CDH12: variants seen among roughly 807,000 people sequenced by gnomAD.
CDH12 encodes the protein cadherin-12.
In CDH12, 41 loss-of-function variants were observed where a neutral mutation model predicts 74.1. The observed-to-expected ratio is 0.55, with a 90% CI of 0.43 to 0.72. The LOEUF (loss-of-function observed/expected upper bound fraction) is 0.72, where lower values mean the gene tolerates loss of function less well. Among genes scored for constraint, CDH12 ranks in the 30% least tolerant of loss-of-function variants. CDH12 has a pLI of 0.00. For missense variants in CDH12, 945 were observed against 977.2 expected (o/e 0.97, Z 0.44); for synonymous variants, 399 against 355.0 (o/e 1.12, Z -1.39).
chr5:21,761,505 T>A (rs550664875), intron 12 of CDH12, among the ~76,000 whole-genome samples: 1 of 152,244 alleles, frequency 6.6e-6, no homozygotes, highest in Non-Finnish European at 1.5e-5. Flanking sequence ...GTTGGCCAGA[T>A]AATCATGCTC....
chr5:22,847,957 C>T (rs1037906350), intron 1 of CDH12, among the ~76,000 whole-genome samples: 3 of 151,876 alleles, frequency 2.0e-5, no homozygotes, highest in African/African-American at 7.3e-5. Flanking sequence ...GATCTCGGCT[C>T]ACTGCAACCT....
At chr5:21,798,639 A>G (rs1746932602) in intron 10 of CDH12, among the ~76,000 whole-genome samples, 1 of 151,864 alleles carries the variant, frequency 6.6e-6, no homozygotes, top group Non-Finnish European at 1.5e-5. Flanking sequence ...CCTCATAAAT[A>G]GGATTAGTGC....
intron 4 of CDH12, among the ~76,000 whole-genome samples, chr5:22,090,477 C>T (rs1399304729): frequency 1.4e-5 from 2 of 146,810 alleles, no homozygotes; most frequent in African/African-American, 5.2e-5. Flanking sequence ...AATATAAAAC[C>T]TCTGTAAACT....
chr5:22,414,650 C>G (rs2126480484), intron 2 of CDH12, among the ~76,000 whole-genome samples: 1 of 151,594 alleles, frequency 6.6e-6, no homozygotes, highest in South Asian at 2.1e-4. Context: ...AAAATGAAAA[C>G]CTTTGCTATG....
chr5:22,127,812 ACT>A (rs1229108765), intron 4 of CDH12, among the ~76,000 whole-genome samples: 1 of 152,036 alleles, frequency 6.6e-6, no homozygotes, highest in Non-Finnish European at 1.5e-5. Flanking sequence ...GTAGTACTGG[ACT>A]CTCTGGAAGC....
At chr5:22,660,460 T>C (rs1465641334) in intron 1 of CDH12, among the ~76,000 whole-genome samples, 1 of 152,214 alleles carries the variant, frequency 6.6e-6, no homozygotes. Context: ...GTGTTGAAAA[T>C]TATACATATT....
At chr5:22,763,189 A>C (rs889909146) in intron 1 of CDH12, among the ~76,000 whole-genome samples, 1 of 151,970 alleles carries the variant, frequency 6.6e-6, no homozygotes, top group African/African-American at 2.4e-5. Flanking sequence ...AAGGAATAAA[A>C]GTCTGAGAAC....
chr5:22,198,324 T>C (rs1366862751), intron 4 of CDH12, among the ~76,000 whole-genome samples: 11 of 151,718 alleles, frequency 7.3e-5, no homozygotes, highest in Middle Eastern at 6.4e-3. Flanking sequence ...ACTAATAATG[T>C]TAAAAAAATG....
chr5:22,147,542 T>C (rs1747272506), intron 4 of CDH12, among the ~76,000 whole-genome samples: 1 of 151,856 alleles, frequency 6.6e-6, no homozygotes, highest in Admixed American at 6.6e-5. Flanking sequence ...TATTAGTCCA[T>C]TTTCATGCTG....
At chr5:21,954,274 G>A (rs192120908) in intron 6 of CDH12, among the ~76,000 whole-genome samples, 54 of 150,648 alleles carry the variant, frequency 3.6e-4, no homozygotes, top group African/African-American at 1.3e-3. Context: ...GATTATTGGT[G>A]CTCCTCCTCC....
intron 6 of CDH12, chr5:21,884,340 A>T: frequency 9.9e-7 from 1 of 1,013,648 alleles, no homozygotes; most frequent in Non-Finnish European, 1.6e-6. Context: ...TACCTTTATT[A>T]ATGAACTGTG....
rs1245306601 is a variant in CDH12 at position 22,446,054 on chromosome 5, A to G, written c.-427-40703T>C. ...ACTCACTCACTCTTAGTTTTGAGAA[A>G]TGCTGGACAAACAGGCAACCCCATT... On this transcript the variant is annotated intron_variant, in intron 2 of 14. Transcript: ENST00000382254. 2.0e-5 allele frequency among the ~76,000 whole-genome samples: 3 copies of G among 152,250 alleles called. No homozygotes were observed. In the East Asian group the frequency reaches 5.8e-4, roughly 29 times the overall value.
At chr5:22,288,414 T>C (rs1372397505) in intron 3 of CDH12, among the ~76,000 whole-genome samples, 3 of 152,314 alleles carry the variant, frequency 2.0e-5, no homozygotes, top group Non-Finnish European at 4.4e-5. Flanking sequence ...CTTCAAAACA[T>C]TGTCATCATA....
chr5:22,626,831 A>G (rs764586467), intron 1 of CDH12, among the ~76,000 whole-genome samples: 4 of 152,218 alleles, frequency 2.6e-5, no homozygotes, highest in African/African-American at 9.6e-5. Flanking sequence ...TTGAAGCCCA[A>G]TTTAAAGAAT....
rs116519195 is a variant in CDH12 at position 22,777,938 on chromosome 5, C to T, written c.-523+75120G>A. Reference sequence around the variant, plus strand: ...AAGCAATTCTCCTCCCCCAGCTTCCCGAGTAGTTGGGAGTGTGCCACCACT... The same window carrying T: ...AAGCAATTCTCCTCCCCCAGCTTCCTGAGTAGTTGGGAGTGTGCCACCACT... On this transcript the variant is annotated intron_variant, in intron 1 of 14. Transcript: ENST00000382254. Among the ~76,000 whole-genome samples the T allele has an allele frequency of 9.1e-3, 1,381 of 151,974 alleles. 16 individuals are homozygous for T. Among genetic ancestry groups the T allele is most frequent in the African/African-American group, 0.032 (1,330 of 41,466 alleles).
intron 7 of CDH12, among the ~76,000 whole-genome samples, chr5:21,847,423 G>T (rs1750232179): frequency 6.6e-6 from 1 of 152,106 alleles, no homozygotes; most frequent in East Asian, 1.9e-4. Context: ...TTACAATTCT[G>T]GATGTAAGGA....
chr5:22,422,478 A>AT (rs1393540415), intron 2 of CDH12, among the ~76,000 whole-genome samples: 2 of 151,924 alleles, frequency 1.3e-5, no homozygotes, highest in Admixed American at 1.3e-4. Flanking sequence ...GTTTGCCAGT[A>AT]TTTTTTTGAA....
At chr5:21,998,185 A>G (rs969913955) in intron 5 of CDH12, among the ~76,000 whole-genome samples, 1 of 151,998 alleles carries the variant, frequency 6.6e-6, no homozygotes, top group African/African-American at 2.4e-5. Context: ...GGCTCTATGT[A>G]TTTAATTATA....
chr5:21,785,592 G>A (rs75141758), intron 10 of CDH12, among the ~76,000 whole-genome samples: 1,726 of 152,262 alleles, frequency 0.011, 12 homozygotes, highest in Non-Finnish European at 0.014. Context: ...AAACTTTAGC[G>A]GTCTGGATAG....
Sources: gnomAD v4.1 joint callset for allele counts (sites outside exome capture counted in the v4.1 genomes callset) on GRCh38, gnomAD v4.1.1 for gene constraint, MANE v1.5 for transcripts, NCBI Gene and HGNC (gene_info 2026-07-23, HGNC 2026-07-21) for gene names.